The following ESCO2 variants were observed in gnomAD, a reference collection of about 807,000 sequenced individuals.
The protein encoded by ESCO2 is establishment of sister chromatid cohesion N-acetyltransferase 2.
A neutral mutation model predicts 61.7 loss-of-function variants in ESCO2; 51 were observed. The ratio of observed to expected loss-of-function variants is 0.83; its 90% confidence interval spans 0.66 to 1.04. The LOEUF (loss-of-function observed/expected upper bound fraction) is 1.04, where lower values mean the gene tolerates loss of function less well. Among genes scored for constraint, ESCO2 ranks in the 50% least tolerant of loss-of-function variants. ESCO2 has a pLI of 0.00. For synonymous variants in ESCO2, 230 were observed against 238.2 expected (o/e 0.97, Z 0.32); for missense variants, 692 against 686.2 (o/e 1.01, Z -0.09).
chr8:27,776,445 AC>A lies in ESCO2; in HGVS notation c.139del (p.Leu47CysfsTer11). 1 of 1,608,016 alleles carries A rather than the reference AC, an allele frequency of 6.2e-7. No homozygotes were observed. The highest frequency in any genetic ancestry group is 2.2e-5 in the East Asian group (1 of 44,844). On this transcript the variant is annotated frameshift_variant, in exon 3 of 11. Coordinates refer to ENST00000305188, the MANE Select transcript of ESCO2 (RefSeq NM_001017420.3). LOFTEE classifies it high-confidence loss of function. ...FYQNSDKNEE[N>X]LHCSQQEHFV... Reference sequence around the variant, plus strand: ...CAAAACAGTGATAAAAATGAAGAAAACCTGCATTGCTCTCAACAAGAGCATT... The same window carrying A: ...CAAAACAGTGATAAAAATGAAGAAAACTGCATTGCTCTCAACAAGAGCATT...
chr8:27,803,385 G>A lies in ESCO2; in HGVS notation c.1753G>A (p.Ala585Thr). Residue 585 changes from alanine to threonine, a missense_variant, in exon 11 of 11, where the codon GCA (alanine) becomes ACA (threonine). Transcript: ENST00000305188. ...SDPTPDGKLF[A>T]TKYCNTPNFL... ...CCCAACACCAGATGGCAAGTTATTT[G>A]CAACCAAGTACTGCAACACCCCTAA... is the stretch of plus-strand genomic sequence containing the variant. 6.2e-7 allele frequency: 1 copy of A among 1,613,894 alleles called. No homozygotes were observed. The highest frequency in any genetic ancestry group is 1.7e-5 in the Admixed American group (1 of 59,992).
In ESCO2 at chr8:27,804,130, A is replaced by G. The variant is rs982868650; in HGVS notation, c.*692A>G. On this transcript the variant is annotated 3_prime_UTR_variant, in exon 11 of 11. Transcript: ENST00000305188. ...AAATGTTTAGAATTTATTTGTAACA[A>G]GATGGTAAGGAATAAGATTATCCCA... 1 of 985,296 alleles carries G rather than the reference A, an allele frequency of 1.0e-6. No individual in the cohort carries two copies. Among genetic ancestry groups the G allele is most frequent in the African/African-American group, 1.7e-5 (1 of 57,246 alleles). 61.0% of individuals were successfully genotyped at this position (985,296 alleles called of 1,614,324 possible).
chr8:27,789,774 T>G lies in ESCO2; in HGVS notation c.1263+796T>G, dbSNP rs928281468. Among the ~76,000 whole-genome samples, 4 of 111,106 alleles carry G rather than the reference T, an allele frequency of 3.6e-5. No individual in the cohort carries two copies. The East Asian group carries it at 7.7e-4, about 21-fold the overall frequency. 72.9% of individuals were successfully genotyped at this position (111,106 alleles called of 152,430 possible). A position where few individuals can be genotyped will look rare whatever the true frequency, so the allele number is the denominator to read the frequency against. On this transcript the variant is annotated intron_variant, in intron 7 of 10. Transcript: ENST00000305188. ...CTAGCCTGGGTGACAAGAGCAAAACTCCATCTCAAAAAAAAAAAAAAAAAG... is the reference window on the plus strand; with the variant it reads ...CTAGCCTGGGTGACAAGAGCAAAACGCCATCTCAAAAAAAAAAAAAAAAAG...
At chr8:27,808,192 A>T (rs769325223), downstream of ESCO2, 1 of 1,204,968 alleles carries the variant, frequency 8.3e-7, no homozygotes, top group South Asian at 1.5e-5. Context: ...TCTAATCAAC[A>T]GATTGTAGAA....
chr8:27,795,969 G>T (rs1053090745), intron 9 of ESCO2, among the ~76,000 whole-genome samples: 1 of 148,704 alleles, frequency 6.7e-6, no homozygotes, highest in Non-Finnish European at 1.5e-5. Flanking sequence ...CTTGCAAAAT[G>T]ACTTTGGAGG....
At chr8:27,781,721 C>T (rs906906962) in intron 4 of ESCO2, among the ~76,000 whole-genome samples, 21 of 151,936 alleles carry the variant, frequency 1.4e-4, no homozygotes, top group South Asian at 2.1e-4. Flanking sequence ...CCACCATGCC[C>T]GGCTAATTTT....
At chr8:27,807,887 T>TA (rs1297458136), downstream of ESCO2, among the ~76,000 whole-genome samples, 1 of 152,094 alleles carries the variant, frequency 6.6e-6, no homozygotes, top group African/African-American at 2.4e-5. Flanking sequence ...CTTATAAAAA[T>TA]AGAGGGTCGG....
chr8:27,811,063 C>T (rs765114169), downstream of ESCO2: 2 of 1,612,712 alleles, frequency 1.2e-6, no homozygotes, highest in South Asian at 1.1e-5. Flanking sequence ...TCAGTAATAA[C>T]ACCATTCTCC....
downstream of ESCO2, among the ~76,000 whole-genome samples, chr8:27,814,993 A>T (rs576333465): frequency 6.6e-6 from 1 of 152,320 alleles, no homozygotes; most frequent in South Asian, 2.1e-4. Context: ...AATTTTCAGT[A>T]TTTGATTACT....
Position 27,803,411 on chromosome 8 carries a change from T to C in ESCO2, c.1779T>C (p.Asn593=). Residue 593 remains asparagine (N), a synonymous_variant, in exon 11 of 11, where the codon AAT becomes AAC. Transcript: ENST00000305188. ...CAACCAAGTACTGCAACACCCCTAA[T>C]TTCCTCGTATATAATTTTAATAGTT... is the stretch of plus-strand genomic sequence containing the variant. The part of the protein sequence containing the change: ...LFATKYCNTP[N]FLVYNFNS 2 of 1,613,672 alleles carry C rather than the reference T, an allele frequency of 1.2e-6. No individual in the cohort carries two copies. Among genetic ancestry groups the C allele is most frequent in the Non-Finnish European group, 1.7e-6 (2 of 1,179,636 alleles).
downstream of ESCO2, among the ~76,000 whole-genome samples, chr8:27,808,541 G>C (rs1048739186): frequency 3.3e-5 from 5 of 151,814 alleles, no homozygotes; most frequent in Admixed American, 3.3e-4. Context: ...TTAGCCAGGT[G>C]TGGTGGCACA....
At chr8:27,789,624 A>C (rs1253401990) in intron 7 of ESCO2, among the ~76,000 whole-genome samples, 1 of 152,124 alleles carries the variant, frequency 6.6e-6, no homozygotes, top group African/African-American at 2.4e-5. Flanking sequence ...TACTAAAAAT[A>C]CAAAAAATTA....
intron 8 of ESCO2, 95 bp downstream of exon 8, chr8:27,792,147 AC>A: frequency 8.8e-7 from 1 of 1,135,098 alleles, no homozygotes. Context: ...CAGATAATTC[AC>A]TTGGGTACCT....
intron 4 of ESCO2, 48 bp from the exon 5 acceptor site, chr8:27,783,952 T>G (rs1308209947): frequency 6.8e-7 from 1 of 1,474,950 alleles, no homozygotes; most frequent in Non-Finnish European, 9.5e-7. Flanking sequence ...GAATTAAAGC[T>G]TTGATTTTAT....
chr8:27,815,920 C>G (rs539101056), downstream of ESCO2, among the ~76,000 whole-genome samples: 97 of 152,256 alleles, frequency 6.4e-4, no homozygotes, highest in African/African-American at 2.3e-3. Context: ...AGATCATAAA[C>G]TAATGGTTCA....
At chr8:27,774,166 C>CTTTATTTATTTA (rs68114079), upstream of ESCO2, among the ~76,000 whole-genome samples, 7 of 150,976 alleles carry the variant, frequency 4.6e-5, no homozygotes, top group East Asian at 1.9e-4. Flanking sequence ...TTGGAGAGGC[C>CTTTATTTATTTA]TTTATTTATT....
upstream of ESCO2, chr8:27,772,751 T>C: frequency 1.8e-6 from 1 of 571,374 alleles, no homozygotes; most frequent in Non-Finnish European, 3.2e-6. Flanking sequence ...TTCAGTGATT[T>C]GTGGGTTAAG....
At chr8:27,810,410 T>C, downstream of ESCO2, 1 of 1,606,680 alleles carries the variant, frequency 6.2e-7, no homozygotes, top group Non-Finnish European at 8.5e-7. Flanking sequence ...TCTGGTATGA[T>C]TCATCCAGTT....
intron 10 of ESCO2, among the ~76,000 whole-genome samples, chr8:27,800,844 A>T (rs1805407405): frequency 6.6e-6 from 1 of 152,240 alleles, no homozygotes; most frequent in Non-Finnish European, 1.5e-5. Context: ...CAGTTGCAGA[A>T]GATCGCACAT....
Sources: gnomAD v4.1 joint callset for allele counts (sites outside exome capture counted in the v4.1 genomes callset) on GRCh38, gnomAD v4.1.1 for gene constraint, MANE v1.5 for transcripts, NCBI Gene and HGNC (gene_info 2026-07-23, HGNC 2026-07-21) for gene names.